LRMDA: variants seen among roughly 807,000 people sequenced by gnomAD.
LRMDA encodes the protein leucine-rich melanocyte differentiation-associated protein.
In LRMDA, 18 loss-of-function variants were observed where a neutral mutation model predicts 29.8. The ratio of observed to expected loss-of-function variants is 0.60; its 90% CI spans 0.42 to 0.90. The LOEUF (loss-of-function observed/expected upper bound fraction) is 0.90, where lower values mean the gene tolerates loss of function less well. Ranked by LOEUF, LRMDA falls within the 40% of genes least tolerant of loss-of-function variation. The pLI, the probability that LRMDA is intolerant of heterozygous loss-of-function variation, is 0.00. For missense variants in LRMDA, 273 were observed against 273.9 expected (o/e 1.00, Z 0.02); for synonymous variants, 125 against 109.4 (o/e 1.14, Z -0.89).
intron 2 of LRMDA, among the ~76,000 whole-genome samples, chr10:75,616,234 T>C (rs1309762152): frequency 4.6e-4 from 67 of 146,812 alleles, no homozygotes; most frequent in African/African-American, 1.5e-3. Context: ...ACAGTAATAG[T>C]AGCAGTAGCA....
Position 76,165,243 on chromosome 10 carries a change from G to A in LRMDA, c.516+106460G>A, listed in dbSNP as rs543728955. 3.9e-5 allele frequency among the ~76,000 whole-genome samples: 6 copies of A among 152,328 alleles called. No homozygotes were observed. The South Asian group carries it at 1.2e-3, about 32-fold the overall frequency. Reference sequence around the variant, plus strand: ...CCGCCTCGGCCTCCCAAAGTACTGGGATTACAGGCGTGAGACGCCATGCCC... The same window carrying A: ...CCGCCTCGGCCTCCCAAAGTACTGGAATTACAGGCGTGAGACGCCATGCCC... On this transcript the variant is annotated intron_variant, in intron 5 of 6. Coordinates refer to ENST00000611255, the MANE Select transcript of LRMDA (RefSeq NM_001305581.2).
intron 2 of LRMDA, among the ~76,000 whole-genome samples, chr10:75,502,096 C>G (rs1157210100): frequency 6.6e-6 from 1 of 152,228 alleles, no homozygotes; most frequent in South Asian, 2.1e-4. Flanking sequence ...TTCTTTGGAG[C>G]TGTCTCAGTT....
intron 6 of LRMDA, among the ~76,000 whole-genome samples, chr10:76,335,156 A>T (rs1025718267): frequency 9.8e-5 from 15 of 152,332 alleles, no homozygotes; most frequent in African/African-American, 3.6e-4. Flanking sequence ...TAAAGCAAGA[A>T]TTAGATATGA....
At chr10:76,536,760 C>G (rs149074983) in intron 6 of LRMDA, among the ~76,000 whole-genome samples, 2 of 152,080 alleles carry the variant, frequency 1.3e-5, no homozygotes, top group African/African-American at 4.8e-5. Context: ...ATTTGGCTAA[C>G]GTGGTTACCG....
chr10:75,626,028 T>A (rs931860130), intron 2 of LRMDA, among the ~76,000 whole-genome samples: 4 of 151,576 alleles, frequency 2.6e-5, no homozygotes, highest in South Asian at 2.1e-4. Flanking sequence ...TTTTTTTTTT[T>A]AATTTTAATT....
At chr10:75,845,070 G>A (rs576745984) in intron 2 of LRMDA, among the ~76,000 whole-genome samples, 1 of 151,722 alleles carries the variant, frequency 6.6e-6, no homozygotes, top group Non-Finnish European at 1.5e-5. Context: ...TATAATTTTT[G>A]TATAAAATTG....
intron 2 of LRMDA, among the ~76,000 whole-genome samples, chr10:75,789,244 C>A (rs554675226): frequency 2.6e-5 from 4 of 152,122 alleles, no homozygotes; most frequent in Non-Finnish European, 5.9e-5. Context: ...GGTTTTGTGA[C>A]GATGAAATGA....
At chr10:75,574,297 A>G (rs1037102148) in intron 2 of LRMDA, among the ~76,000 whole-genome samples, 9 of 152,096 alleles carry the variant, frequency 5.9e-5, no homozygotes, top group Non-Finnish European at 8.8e-5. Flanking sequence ...ATGCTCTTCT[A>G]TGTACTAAGA....
chr10:75,474,103 C>G (rs1844760401), intron 2 of LRMDA, among the ~76,000 whole-genome samples: 1 of 152,170 alleles, frequency 6.6e-6, no homozygotes, highest in South Asian at 2.1e-4. Context: ...CACTGTTCCT[C>G]CCACTCCACT....
intron 2 of LRMDA, among the ~76,000 whole-genome samples, chr10:75,516,006 C>T (rs1845284553): frequency 1.3e-5 from 2 of 152,210 alleles, no homozygotes; most frequent in Non-Finnish European, 2.9e-5. Flanking sequence ...TTTCCAGCTT[C>T]ATCCATGTCC....
intron 6 of LRMDA, among the ~76,000 whole-genome samples, chr10:76,481,648 C>A (rs768094619): frequency 4.0e-5 from 6 of 151,872 alleles, no homozygotes; most frequent in Non-Finnish European, 8.8e-5. Context: ...CTCCAACTTT[C>A]TTTGTGCAAT....
chr10:75,978,678 A>G (rs1280950725), intron 2 of LRMDA, among the ~76,000 whole-genome samples: 1 of 152,210 alleles, frequency 6.6e-6, no homozygotes, highest in Non-Finnish European at 1.5e-5. Flanking sequence ...AGGAATTCCC[A>G]GGTACATAAA....
intron 2 of LRMDA, among the ~76,000 whole-genome samples, chr10:75,620,802 CTA>C (rs1841171692): frequency 6.6e-6 from 1 of 152,090 alleles, no homozygotes; most frequent in African/African-American, 2.4e-5. Context: ...TTTGTGGTCT[CTA>C]TTCTATTGCC....
rs150192403 is a variant in LRMDA at position 76,010,505 on chromosome 10, G to A, written c.132-25503G>A. Among the ~76,000 whole-genome samples, 1,168 of 151,994 alleles carry A rather than the reference G, an allele frequency of 7.7e-3. 13 individuals carry two copies. The highest frequency in any genetic ancestry group is 0.027 in the African/African-American group (1,118 of 41,448). On this transcript the variant is annotated intron_variant, in intron 2 of 6. Coordinates refer to ENST00000611255, the MANE Select transcript of LRMDA (RefSeq NM_001305581.2). ...TTTTTTGTATTTTTAGTAGAGATGGGGTTTCACTGTGTTAACCAGGATGGT... is the reference window on the plus strand; with the variant it reads ...TTTTTTGTATTTTTAGTAGAGATGGAGTTTCACTGTGTTAACCAGGATGGT...
chr10:76,328,067 T>C (rs1840858886), intron 6 of LRMDA, among the ~76,000 whole-genome samples: 1 of 152,178 alleles, frequency 6.6e-6, no homozygotes, highest in African/African-American at 2.4e-5. Context: ...TTTAGAATGG[T>C]CCACCTGAAT....
At chr10:76,104,999 C>T (rs1227766342) in intron 5 of LRMDA, among the ~76,000 whole-genome samples, 1 of 152,146 alleles carries the variant, frequency 6.6e-6, no homozygotes, top group African/African-American at 2.4e-5. Context: ...TCTCAGATAT[C>T]CACTTGGCTA....
chr10:75,693,702 C>G (rs1252477240), intron 2 of LRMDA, among the ~76,000 whole-genome samples: 1 of 152,124 alleles, frequency 6.6e-6, no homozygotes, highest in Non-Finnish European at 1.5e-5. Flanking sequence ...GCGCCTTATT[C>G]TCTTTGAGCT....
intron 5 of LRMDA, among the ~76,000 whole-genome samples, chr10:76,274,173 AG>A (rs1840101597): frequency 6.6e-6 from 1 of 152,204 alleles, no homozygotes; most frequent in Non-Finnish European, 1.5e-5. Context: ...TTATTAAACA[AG>A]TCTTTTAAGA....
intron 2 of LRMDA, among the ~76,000 whole-genome samples, chr10:75,575,568 A>C (rs1475457211): frequency 6.6e-6 from 1 of 152,236 alleles, no homozygotes; most frequent in Non-Finnish European, 1.5e-5. Flanking sequence ...CAGTCATTAA[A>C]TCTTAAAGCT....
Sources: gnomAD v4.1 joint callset for allele counts (sites outside exome capture counted in the v4.1 genomes callset) on GRCh38, gnomAD v4.1.1 for gene constraint, MANE v1.5 for transcripts, NCBI Gene and HGNC (gene_info 2026-07-23, HGNC 2026-07-21) for gene names.